The following LHFPL6 variants were observed in gnomAD, a reference collection of about 807,000 sequenced individuals.
LHFPL6 encodes the protein LHFPL tetraspan subfamily member 6 protein.
LHFPL6 carries 9 observed loss-of-function variants against 20.6 expected under a neutral mutation model. The ratio of observed to expected loss-of-function variants is 0.44; its 90% confidence interval spans 0.26 to 0.76. The LOEUF is 0.76. Among genes scored for constraint, LHFPL6 ranks in the 30% least tolerant of loss-of-function variants. The pLI is 0.20. For missense variants in LHFPL6, 218 were observed against 253.5 expected (o/e 0.86, Z 0.95); for synonymous variants, 105 against 98.7 (o/e 1.06, Z -0.38).
intron 2 of LHFPL6, among the ~76,000 whole-genome samples, chr13:39,492,453 A>C (rs1319651648): frequency 1.3e-5 from 2 of 152,320 alleles, no homozygotes; most frequent in Non-Finnish European, 2.9e-5. Flanking sequence ...CAATTTTCTG[A>C]TTATAAAAGG....
chr13:39,437,520 T>G (rs1187954459), intron 2 of LHFPL6, among the ~76,000 whole-genome samples: 1 of 152,250 alleles, frequency 6.6e-6, no homozygotes, highest in Non-Finnish European at 1.5e-5. Flanking sequence ...GAAACTTCTA[T>G]GCTTTCTGCA....
At chr13:39,417,518 C>T (rs948517318) in intron 2 of LHFPL6, among the ~76,000 whole-genome samples, 2 of 152,172 alleles carry the variant, frequency 1.3e-5, no homozygotes, top group African/African-American at 4.8e-5. Flanking sequence ...GCTCAAAAGG[C>T]AAAAGAGACG....
At chr13:39,409,169 T>C (rs1871191356) in intron 2 of LHFPL6, among the ~76,000 whole-genome samples, 1 of 152,156 alleles carries the variant, frequency 6.6e-6, no homozygotes, top group Non-Finnish European at 1.5e-5. Flanking sequence ...AATTGAAATG[T>C]ACTGCCAGAC....
chr13:39,487,138 A>T (rs1340829274), intron 2 of LHFPL6, among the ~76,000 whole-genome samples: 1 of 152,250 alleles, frequency 6.6e-6, no homozygotes, highest in Admixed American at 6.5e-5. Flanking sequence ...CATCCAACAG[A>T]CAAAATCAGC....
At chr13:39,355,305 C>A (rs577774769) in intron 3 of LHFPL6, among the ~76,000 whole-genome samples, 2 of 151,918 alleles carry the variant, frequency 1.3e-5, no homozygotes, top group East Asian at 3.9e-4. Flanking sequence ...ACTTCACAAG[C>A]AAAGGAGAAA....
At chr13:39,601,665 G>A (rs1451554639) in intron 1 of LHFPL6, among the ~76,000 whole-genome samples, 4 of 152,122 alleles carry the variant, frequency 2.6e-5, no homozygotes, top group Non-Finnish European at 5.9e-5. Context: ...ACAGGCCAAT[G>A]AATTCATTCT....
chr13:39,386,431 C>T (rs2138366566), intron 2 of LHFPL6, among the ~76,000 whole-genome samples: 1 of 152,254 alleles, frequency 6.6e-6, no homozygotes, highest in African/African-American at 2.4e-5. Flanking sequence ...TATCAAAGTG[C>T]TTTCTGGAAA....
chr13:39,565,338 T>A lies in LHFPL6; in HGVS notation c.385+35494A>T, dbSNP rs545363663. 4.6e-5 allele frequency among the ~76,000 whole-genome samples: 7 copies of A among 152,198 alleles called. No homozygotes were observed. In the South Asian group the frequency reaches 1.5e-3, roughly 32 times the overall value. ...ATTACAGGCAAAAAGAAAGGTTTTTTAAATTTCATTTTGTGTTCAAGTTTA... is the reference window on the plus strand; with the variant it reads ...ATTACAGGCAAAAAGAAAGGTTTTTAAAATTTCATTTTGTGTTCAAGTTTA... On this transcript the variant is annotated intron_variant, in intron 2 of 3. Coordinates refer to ENST00000379589, the MANE Select transcript of LHFPL6 (RefSeq NM_005780.3).
chr13:39,362,817 T>C (rs530468189), intron 3 of LHFPL6, among the ~76,000 whole-genome samples: 85 of 152,282 alleles, frequency 5.6e-4, no homozygotes, highest in African/African-American at 2.0e-3. Context: ...TAAATAAAGA[T>C]GACACACCAG....
intron 2 of LHFPL6, among the ~76,000 whole-genome samples, chr13:39,557,341 T>C (rs1871337129): frequency 6.6e-6 from 1 of 152,222 alleles, no homozygotes; most frequent in African/African-American, 2.4e-5. Flanking sequence ...GTTAAGCCTG[T>C]AGGCCTATGG....
At chr13:39,417,685 C>T (rs933286434) in intron 2 of LHFPL6, among the ~76,000 whole-genome samples, 3 of 152,014 alleles carry the variant, frequency 2.0e-5, no homozygotes, top group Non-Finnish European at 2.9e-5. Flanking sequence ...AACCTTTCAG[C>T]ACAGAATTAA....
chr13:39,564,393 C>T (rs1227118121), intron 2 of LHFPL6, among the ~76,000 whole-genome samples: 2 of 152,096 alleles, frequency 1.3e-5, no homozygotes, highest in Admixed American at 6.6e-5. Flanking sequence ...ATCTCAAACC[C>T]ATCTGGCCTA....
chr13:39,448,349 C>T (rs1443249001), intron 2 of LHFPL6, among the ~76,000 whole-genome samples: 1 of 152,120 alleles, frequency 6.6e-6, no homozygotes. Context: ...TATGCAGGAG[C>T]TTTGTCTGTA....
At chr13:39,396,491 G>T (rs951420532) in intron 2 of LHFPL6, among the ~76,000 whole-genome samples, 4 of 152,106 alleles carry the variant, frequency 2.6e-5, no homozygotes, top group Non-Finnish European at 4.4e-5. Flanking sequence ...GATGTGACTG[G>T]TGTCCTTATA....
At chr13:39,552,443 G>GGAGT (rs943376582) in intron 2 of LHFPL6, among the ~76,000 whole-genome samples, 70 of 152,256 alleles carry the variant, frequency 4.6e-4, no homozygotes, top group African/African-American at 1.6e-3. Flanking sequence ...ATGAACAGCA[G>GGAGT]GAGTGAGTAC....
chr13:39,575,761 T>C (rs1264140138), intron 2 of LHFPL6, among the ~76,000 whole-genome samples: 1 of 152,176 alleles, frequency 6.6e-6, no homozygotes, highest in Admixed American at 6.5e-5. Flanking sequence ...CCGGTTCGCT[T>C]CTGCCCGGGT....
chr13:39,517,152 C>T (rs1291255864), intron 2 of LHFPL6, among the ~76,000 whole-genome samples: 1 of 152,068 alleles, frequency 6.6e-6, no homozygotes, highest in Non-Finnish European at 1.5e-5. Context: ...ATACTGTGGA[C>T]CGTAGGGGGG....
chr13:39,358,918 A>T (rs1397436869), intron 3 of LHFPL6, among the ~76,000 whole-genome samples: 1 of 152,192 alleles, frequency 6.6e-6, no homozygotes, highest in Non-Finnish European at 1.5e-5. Flanking sequence ...CCCGCCTGTA[A>T]TCCTAGCACT....
chr13:39,414,738 T>A (rs1322286743), intron 2 of LHFPL6, among the ~76,000 whole-genome samples: 1 of 152,224 alleles, frequency 6.6e-6, no homozygotes. Context: ...ACACCAATTA[T>A]TTGTCTTATC....
Sources: allele counts gnomAD v4.1 joint callset (sites outside exome capture counted in the v4.1 genomes callset), GRCh38; gene constraint gnomAD v4.1.1; transcripts MANE v1.5; gene names NCBI Gene and HGNC (gene_info 2026-07-23, HGNC 2026-07-21).